The following PCDHGA7 variants were observed in gnomAD, a reference collection of about 807,000 sequenced individuals.
PCDHGA7 encodes the protein protocadherin gamma subfamily A, 7, also known as protocadherin gamma-A7.
Under a neutral mutation model 58.3 loss-of-function variants are expected in PCDHGA7, and 44 were observed. The ratio of observed to expected loss-of-function variants is 0.75; its 90% CI spans 0.59 to 0.97. PCDHGA7 has a LOEUF of 0.97. Ranked by LOEUF, PCDHGA7 falls within the 50% of genes least tolerant of loss-of-function variation. PCDHGA7 has a pLI of 0.00. For missense variants in PCDHGA7, 1,266 were observed against 1,188.7 expected, an observed-to-expected ratio of 1.06 and a Z score of -0.96; for synonymous variants, 516 against 504.2, an observed-to-expected ratio of 1.02 and a Z score of -0.31.
intron 1 of PCDHGA7, chr5:141,418,910 T>C: frequency 6.2e-7 from 1 of 1,613,936 alleles, no homozygotes; most frequent in East Asian, 2.2e-5. Flanking sequence ...AATCATCACG[T>C]CACTCTCTGA....
intron 1 of PCDHGA7, chr5:141,430,857 A>G: frequency 1.3e-6 from 2 of 1,591,432 alleles, no homozygotes; most frequent in Non-Finnish European, 1.7e-6. Flanking sequence ...CAGATACGCT[A>G]TTCAGTTCCG....
At chr5:141,505,106 G>A (rs934779049) in intron 2 of PCDHGA7, among the ~76,000 whole-genome samples, 1 of 152,188 alleles carries the variant, frequency 6.6e-6, no homozygotes, top group Non-Finnish European at 1.5e-5. Context: ...ATGTTGCAAT[G>A]AGCCAAGATC....
Position 141,383,976 on chromosome 5 carries a change from C to G in PCDHGA7, c.1077C>G (p.Asp359Glu). 1 of 1,613,760 alleles carries G rather than the reference C, an allele frequency of 6.2e-7. No individual in the cohort carries two copies. Among genetic ancestry groups the G allele is most frequent in the Non-Finnish European group, 8.5e-7 (1 of 1,179,702 alleles). The change falls in exon 1 of 4, where the codon GAC becomes GAG. Residue 359 changes from aspartate to glutamate, a missense_variant. Coordinates refer to ENST00000518325, the MANE Select transcript of PCDHGA7 (RefSeq NM_018920.4). ...CTTTAAGTAGCTCAATCCCTGAAGA[C>G]ACACCTCTTGGGACAGTCATTGCTC... Reference protein sequence around the residue: ...MTSLSSSIPEDTPLGTVIALF... With the variant: ...MTSLSSSIPEETPLGTVIALF...
At chr5:141,426,453 G>A (rs902416171) in intron 1 of PCDHGA7, 4 of 310,612 alleles carry the variant, frequency 1.3e-5, no homozygotes, top group African/African-American at 8.6e-5. Flanking sequence ...ACATGCGGCT[G>A]CATGTTCAGG....
At position 141,383,693 on chromosome 5, in the gene PCDHGA7, A is replaced by G. The variant is rs771447649; in HGVS notation, c.794A>G (p.His265Arg). 6 of 1,613,930 alleles carry G rather than the reference A, an allele frequency of 3.7e-6. No individual in the cohort carries two copies. The African/African-American group carries it at 4.0e-5, about 11-fold the overall frequency. Residue 265 changes from histidine to arginine, a missense_variant, in exon 1 of 4, where the codon CAT (histidine) becomes CGT (arginine). Coordinates refer to ENST00000518325, the MANE Select transcript of PCDHGA7 (RefSeq NM_018920.4). Reference sequence around the variant, plus strand: ...GTGGGTACAAGACTGCTCACGGTACATGCTATCGACCTGGACGAGGGAGTC... The same window carrying G: ...GTGGGTACAAGACTGCTCACGGTACGTGCTATCGACCTGGACGAGGGAGTC... ...VPVGTRLLTV[H>R]AIDLDEGVNG...
At position 141,384,907 on chromosome 5, in the gene PCDHGA7, G is replaced by A. The variant is rs753215361; in HGVS notation, c.2008G>A (p.Glu670Lys). 1.5e-5 allele frequency: 24 copies of A among 1,613,952 alleles called. No homozygotes were observed. The South Asian group carries it at 2.3e-4, about 16-fold the overall frequency. ...LTVAVADSIP[E>K]VLADLGSLEP... ...CGTGGCTGTGGCTGACAGCATCCCCGAAGTCTTGGCCGACCTGGGCAGCCT... is the reference window on the plus strand; with the variant it reads ...CGTGGCTGTGGCTGACAGCATCCCCAAAGTCTTGGCCGACCTGGGCAGCCT... Residue 670 changes from glutamate (E) to lysine (K), a missense_variant, in exon 1 of 4, where the codon GAA (glutamate) becomes AAA (lysine). By Grantham distance (56) the Glu-to-Lys change is moderately conservative (BLOSUM62 1). Transcript: ENST00000518325.
intron 1 of PCDHGA7, chr5:141,416,286 T>C (rs1415036175): frequency 2.0e-5 from 3 of 152,304 alleles, no homozygotes; most frequent in Non-Finnish European, 4.4e-5. Context: ...AATTCTCTAA[T>C]TTCACACTGC....
In PCDHGA7 at chr5:141,382,825, G is replaced by C; in HGVS notation, c.-75G>C. The C allele has an allele frequency of 7.5e-7, 1 of 1,337,416 alleles. No homozygotes were observed. Among genetic ancestry groups the C allele is most frequent in the Non-Finnish European group, 1.0e-6 (1 of 974,448 alleles). The allele number at this position is 1,337,416 out of a possible 1,614,324, so 82.8% of individuals were successfully genotyped here. On this transcript the variant is annotated 5_prime_UTR_variant, in exon 1 of 4. Transcript: ENST00000518325. ...TCTGAGCTCCCCTTCCTAAGACAGA[G>C]GGGTCCACCCGGATACACCCGCATT...
chr5:141,389,002 A>T (rs749693513), intron 1 of PCDHGA7: 25 of 1,613,966 alleles, frequency 1.5e-5, no homozygotes, highest in Admixed American at 3.3e-5. Context: ...CGTGACAAGG[A>T]TTCCAGACAC....
intron 1 of PCDHGA7, among the ~76,000 whole-genome samples, chr5:141,457,067 G>A (rs946526462): frequency 1.3e-5 from 2 of 152,166 alleles, no homozygotes; most frequent in Non-Finnish European, 2.9e-5. Flanking sequence ...CTTTTTGCCA[G>A]TAACTATTAT....
At chr5:141,452,161 A>G (rs559274240) in intron 1 of PCDHGA7, among the ~76,000 whole-genome samples, 1 of 152,204 alleles carries the variant, frequency 6.6e-6, no homozygotes, top group South Asian at 2.1e-4. Context: ...GTTATATTCT[A>G]TTACTAACAT....
chr5:141,487,004 C>G lies in PCDHGA7; in HGVS notation c.2425-7803C>G. 1 of 1,614,224 alleles carries G rather than the reference C, an allele frequency of 6.2e-7. No homozygotes were observed. The highest frequency in any genetic ancestry group is 1.1e-5 in the South Asian group (1 of 91,086). On this transcript the variant is annotated intron_variant, in intron 1 of 3. Transcript: ENST00000518325. This position sits in a 1 kb window ranked among gnomAD's most constrained non-coding sequence, Gnocchi z 5.0. ...CAATGCTTGGGTTTCCTATCAGCTC[C>G]TGGAGGCCCCAGATCCCAGCCTGTT...
chr5:141,433,255 A>G (rs2097579829), intron 1 of PCDHGA7: 2 of 1,401,470 alleles, frequency 1.4e-6, no homozygotes, highest in South Asian at 1.4e-5. Context: ...ATGCAGCGGT[A>G]CGATCATAGC....
rs1304134885 is a variant in PCDHGA7, at chr5:141,384,745, C to G, written c.1846C>G (p.Leu616Val). 6.2e-7 allele frequency: 1 copy of G among 1,613,956 alleles called. No homozygotes were observed. The highest frequency in any genetic ancestry group is 1.3e-5 in the African/African-American group (1 of 74,940). The change falls in exon 1 of 4, where the codon CTC becomes GTC. Residue 616 changes from leucine (L) to valine (V), a missense_variant. Physicochemically the swap from Leu to Val is conservative, Grantham distance 32 (BLOSUM62 1). Coordinates refer to ENST00000518325, the MANE Select transcript of PCDHGA7 (RefSeq NM_018920.4). The part of the protein sequence containing the change: ...YLLLKASEPG[L>V]FAVGLYTGEV... ...CCTGCTTAAGGCCAGCGAGCCAGGA[C>G]TCTTTGCGGTTGGGCTGTACACGGG... is the stretch of plus-strand genomic sequence containing the variant.
At chr5:141,498,467 G>C (rs535351060) in intron 2 of PCDHGA7, among the ~76,000 whole-genome samples, 1 of 152,116 alleles carries the variant, frequency 6.6e-6, no homozygotes, top group East Asian at 1.9e-4. Context: ...GTCTAACCCT[G>C]GTTCCAGCCT....
chr5:141,415,755 T>G (rs753465209), intron 1 of PCDHGA7: 41 of 1,387,576 alleles, frequency 3.0e-5, no homozygotes, highest in Middle Eastern at 2.6e-4. Flanking sequence ...TTTTTTTTTT[T>G]TTTTTTTTTT....
At chr5:141,508,295 G>C (rs989632251) in intron 3 of PCDHGA7, 5 of 152,202 alleles carry the variant, frequency 3.3e-5, no homozygotes, top group Non-Finnish European at 7.3e-5. Context: ...TGGGCCTTGG[G>C]GGGAGTGGGG....
Position 141,393,093 on chromosome 5 carries a change from G to A in PCDHGA7, c.2424+7770G>A, listed in dbSNP as rs781611512. On this transcript the variant is annotated intron_variant, in intron 1 of 3. Coordinates refer to ENST00000518325, the MANE Select transcript of PCDHGA7 (RefSeq NM_018920.4). The stretch of plus-strand genomic sequence containing the variant: ...CACCGCGGGCAGGATAGATCGGGAG[G>A]AGCTCTGCGCTCAGAGCCCGCGGTG... 138 of 1,613,502 alleles carry A rather than the reference G, an allele frequency of 8.6e-5. No individual in the cohort carries two copies. The highest frequency in any genetic ancestry group is 1.2e-4 in the Non-Finnish European group (136 of 1,179,914).
At chr5:141,390,523 G>A in intron 1 of PCDHGA7, 1 of 556,304 alleles carries the variant, frequency 1.8e-6, no homozygotes, top group Non-Finnish European at 3.1e-6. Context: ...AGCAATGAGG[G>A]TGTGGTTTTA....
Sources: gnomAD v4.1 joint callset for allele counts (sites outside exome capture counted in the v4.1 genomes callset) on GRCh38, gnomAD v4.1.1 for gene constraint, Gnocchi (gnomAD v3.1) non-coding constraint, MANE v1.5 for transcripts, NCBI Gene and HGNC (gene_info 2026-07-23, HGNC 2026-07-21) for gene names.